The following CTNNB1 variants were observed in gnomAD, a reference collection of about 807,000 sequenced individuals.
The protein encoded by CTNNB1 is catenin beta-1.
CTNNB1 carries 6 observed loss-of-function variants against 82.5 expected under a neutral mutation model. That is an observed-to-expected ratio of 0.07 (90% CI 0.04 to 0.14). The LOEUF is 0.14. Among genes scored for constraint, CTNNB1 ranks in the 10% least tolerant of loss-of-function variants. CTNNB1 has a pLI of 1.00. For missense variants in CTNNB1, 529 were observed against 980.4 expected, an observed-to-expected ratio of 0.54 and a Z score of 6.15; for synonymous variants, 312 against 329.7, an observed-to-expected ratio of 0.95 and a Z score of 0.58.
intron 1 of CTNNB1, among the ~76,000 whole-genome samples, chr3:41,210,337 C>T (rs867869434): frequency 6.6e-6 from 1 of 152,050 alleles, no homozygotes; most frequent in Non-Finnish European, 1.5e-5. Context: ...ACCTGTAGTC[C>T]GAGCTACTTG....
intron 1 of CTNNB1, among the ~76,000 whole-genome samples, chr3:41,220,262 T>C (rs1425441038): frequency 6.6e-6 from 1 of 152,104 alleles, no homozygotes; most frequent in African/African-American, 2.4e-5. Flanking sequence ...TAACCATTTG[T>C]GTACCTATTT....
intron 1 of CTNNB1, among the ~76,000 whole-genome samples, chr3:41,213,691 C>T (rs1015214901): frequency 2.0e-5 from 3 of 152,012 alleles, no homozygotes; most frequent in South Asian, 2.1e-4. Context: ...ATCACAATCT[C>T]GTAAATTGAG....
intron 12 of CTNNB1, 23 bp downstream of exon 12, chr3:41,236,522 C>G (rs2125646455): frequency 6.2e-7 from 1 of 1,614,196 alleles, no homozygotes; most frequent in Admixed American, 1.7e-5. Flanking sequence ...GAACCAAAGC[C>G]TTTAGCAGAT....
intron 1 of CTNNB1, among the ~76,000 whole-genome samples, chr3:41,217,919 A>AT (rs1233049596): frequency 6.6e-6 from 1 of 152,084 alleles, no homozygotes; most frequent in Non-Finnish European, 1.5e-5. Context: ...CGGATGTTCT[A>AT]GTATGTTATT....
At chr3:41,217,120 C>A (rs1386706512) in intron 1 of CTNNB1, among the ~76,000 whole-genome samples, 1 of 152,148 alleles carries the variant, frequency 6.6e-6, no homozygotes, top group Non-Finnish European at 1.5e-5. Context: ...CTTCTAGTTA[C>A]ACTGGTGACC....
At chr3:41,214,449 T>G (rs568057859) in intron 1 of CTNNB1, among the ~76,000 whole-genome samples, 16 of 152,192 alleles carry the variant, frequency 1.1e-4, no homozygotes, top group Non-Finnish European at 1.8e-4. Flanking sequence ...AATTCTGGTT[T>G]AGCACATACT....
chr3:41,227,287 C>T lies in CTNNB1; in HGVS notation c.1016C>T (p.Thr339Ile), dbSNP rs758291562. The stretch of plus-strand genomic sequence containing the variant: ...TATACTTACGAAAAACTACTGTGGA[C>T]CACAAGCAGAGTGCTGAAGGTGCTA... Reference protein sequence around the residue: ...RTYTYEKLLWTTSRVLKVLSV... With the variant: ...RTYTYEKLLWITSRVLKVLSV... The change falls in exon 7 of 15, where the codon ACC becomes ATC. Residue 339 changes from threonine (T) to isoleucine (I), a missense_variant. This residue lies in a region of CTNNB1 where 411 missense variants were observed against 776.4 expected (regional missense o/e 0.53). Coordinates refer to ENST00000349496, the MANE Select transcript of CTNNB1 (RefSeq NM_001904.4). 5.0e-6 allele frequency: 8 copies of T among 1,613,886 alleles called. No individual in the cohort carries two copies. The highest frequency in any genetic ancestry group is 6.8e-6 in the Non-Finnish European group (8 of 1,179,868).
chr3:41,233,215 A>G, intron 7 of CTNNB1, 126 bp from the exon 8 acceptor site: 1 of 808,268 alleles, frequency 1.2e-6, no homozygotes, highest in Non-Finnish European at 2.1e-6. Context: ...GAAATCAAAT[A>G]CTTAGGTGAA....
chr3:41,216,293 A>G (rs928674976), intron 1 of CTNNB1, among the ~76,000 whole-genome samples: 11 of 152,212 alleles, frequency 7.2e-5, no homozygotes, highest in Non-Finnish European at 2.9e-5. Context: ...TTTAGCTGAT[A>G]CCACAAGGCA....
intron 6 of CTNNB1, among the ~76,000 whole-genome samples, chr3:41,226,462 G>A (rs774364562): frequency 6.6e-6 from 1 of 152,202 alleles, no homozygotes; most frequent in Non-Finnish European, 1.5e-5. Context: ...TGAGTTCAGT[G>A]TTCAAGGATG....
chr3:41,231,172 A>G (rs979440244), intron 7 of CTNNB1, among the ~76,000 whole-genome samples: 48 of 152,142 alleles, frequency 3.2e-4, no homozygotes, highest in Non-Finnish European at 4.4e-5. Flanking sequence ...CTAAAAATAC[A>G]AAAAGTTAGC....
intron 1 of CTNNB1, among the ~76,000 whole-genome samples, chr3:41,207,330 G>A (rs1488051046): frequency 2.6e-5 from 4 of 152,260 alleles, no homozygotes; most frequent in Admixed American, 1.3e-4. Context: ...TGCTTGAAGA[G>A]CGCCCTCATT....
intron 6 of CTNNB1, among the ~76,000 whole-genome samples, chr3:41,226,802 A>C (rs1000929562): frequency 6.6e-6 from 1 of 152,182 alleles, no homozygotes; most frequent in Non-Finnish European, 1.5e-5. Flanking sequence ...TATAATTAGG[A>C]AAATTAAAGG....
At chr3:41,201,386 C>T (rs1311608797) in intron 1 of CTNNB1, among the ~76,000 whole-genome samples, 1 of 152,082 alleles carries the variant, frequency 6.6e-6, no homozygotes, top group African/African-American at 2.4e-5. Flanking sequence ...TTGAGGATGT[C>T]CTTTCACACC....
intron 13 of CTNNB1, chr3:41,237,317 A>C (rs2078458360): frequency 6.3e-6 from 1 of 158,696 alleles, no homozygotes. Flanking sequence ...CAACATAGTG[A>C]AACCCCATCT....
At chr3:41,233,956 A>C in intron 9 of CTNNB1, 89 bp downstream of exon 9, 1 of 1,454,272 alleles carries the variant, frequency 6.9e-7, no homozygotes, top group Admixed American at 1.7e-5. Flanking sequence ...CATAGTGATC[A>C]ATAAGTAGGA....
chr3:41,206,610 TA>T (rs994148089), intron 1 of CTNNB1, among the ~76,000 whole-genome samples: 11 of 152,286 alleles, frequency 7.2e-5, no homozygotes, highest in African/African-American at 2.6e-4. Context: ...TGAACAGCTG[TA>T]ATAGGGATTA....
At position 41,239,587 on chromosome 3, in the gene CTNNB1, T is replaced by G. The variant is rs1417559416; in HGVS notation, c.*245T>G. 4 of 550,174 alleles carry G rather than the reference T, an allele frequency of 7.3e-6. No individual in the cohort carries two copies. In the African/African-American group the frequency reaches 7.5e-5, roughly 10 times the overall value. 34.1% of individuals were successfully genotyped at this position (550,174 alleles called of 1,614,324 possible). On this transcript the variant is annotated 3_prime_UTR_variant, in exon 15 of 15. Transcript: ENST00000349496. ...ACTTTAATGTTTTTTGCCACAGCTT[T>G]TGCAACTTAATACTCAAATGAGTAA... is the stretch of plus-strand genomic sequence containing the variant.
At chr3:41,230,122 T>C (rs576493860) in intron 7 of CTNNB1, among the ~76,000 whole-genome samples, 8 of 152,300 alleles carry the variant, frequency 5.3e-5, no homozygotes, top group Middle Eastern at 6.8e-3. Flanking sequence ...CTTGGGAATT[T>C]ATGAGAGAGA....
Sources: allele counts gnomAD v4.1 joint callset (sites outside exome capture counted in the v4.1 genomes callset), GRCh38; gene constraint gnomAD v4.1.1; regional missense constraint gnomAD v4.1.1; transcripts MANE v1.5; gene names NCBI Gene and HGNC (gene_info 2026-07-23, HGNC 2026-07-21).